HCN1: variants seen among roughly 807,000 people sequenced by gnomAD.
The protein encoded by HCN1 is hyperpolarization activated cyclic nucleotide gated potassium channel 1.
A neutral mutation model predicts 78.9 loss-of-function variants in HCN1; 13 were observed. That is an observed-to-expected ratio of 0.16 (90% CI 0.11 to 0.26). The LOEUF (loss-of-function observed/expected upper bound fraction) is 0.26, where lower values mean the gene tolerates loss of function less well. Ranked by LOEUF, HCN1 falls within the 10% of genes least tolerant of loss-of-function variation. The pLI, the probability that HCN1 is intolerant of heterozygous loss-of-function variation, is 1.00. For missense variants in HCN1, 810 were observed against 1,154.3 expected (o/e 0.70, Z 4.32); for synonymous variants, 552 against 455.5 (o/e 1.21, Z -2.70).
chr5:45,452,860 G>A (rs186339013), intron 3 of HCN1, among the ~76,000 whole-genome samples: 85 of 152,086 alleles, frequency 5.6e-4, no homozygotes, highest in Admixed American at 1.5e-3. Context: ...AAAATGATGG[G>A]TTATACAATG....
At chr5:45,404,546 T>C (rs1282004394) in intron 3 of HCN1, among the ~76,000 whole-genome samples, 1 of 151,466 alleles carries the variant, frequency 6.6e-6, no homozygotes. Flanking sequence ...AATGGGAACA[T>C]AGTAAGTACC....
intron 2 of HCN1, among the ~76,000 whole-genome samples, chr5:45,506,262 G>T (rs1579937809): frequency 6.6e-6 from 1 of 152,206 alleles, no homozygotes; most frequent in East Asian, 1.9e-4. Flanking sequence ...AAGTGCATAT[G>T]TTCTTAAGAC....
intron 3 of HCN1, among the ~76,000 whole-genome samples, chr5:45,427,258 C>A (rs550733941): frequency 4.6e-5 from 7 of 151,846 alleles, no homozygotes; most frequent in African/African-American, 1.7e-4. Context: ...TCACAATTTT[C>A]TACCTTTAAA....
chr5:45,420,721 A>AAC (rs1373849699), intron 3 of HCN1, among the ~76,000 whole-genome samples: 4 of 151,814 alleles, frequency 2.6e-5, no homozygotes, highest in Non-Finnish European at 5.9e-5. Context: ...CACACACACA[A>AAC]ACACACACAC....
At chr5:45,344,899 T>C (rs1746666236) in intron 5 of HCN1, among the ~76,000 whole-genome samples, 2 of 152,150 alleles carry the variant, frequency 1.3e-5, no homozygotes, top group Non-Finnish European at 2.9e-5. Context: ...ACAGCTCCAC[T>C]AGGCAGTGAC....
chr5:45,649,356 C>G (rs976182693), intron 1 of HCN1, among the ~76,000 whole-genome samples: 1 of 151,956 alleles, frequency 6.6e-6, no homozygotes, highest in African/African-American at 2.4e-5. Flanking sequence ...TAGTCCCTCC[C>G]CATTATCAAC....
chr5:45,469,784 A>AGTGTGTGTGT (rs148412684), intron 2 of HCN1, among the ~76,000 whole-genome samples: 3 of 148,754 alleles, frequency 2.0e-5, no homozygotes, highest in African/African-American at 7.4e-5. Flanking sequence ...ATTATAAAGG[A>AGTGTGTGTGT]GTGTGTGTGT....
chr5:45,493,916 C>T (rs952082601), intron 2 of HCN1, among the ~76,000 whole-genome samples: 2 of 152,022 alleles, frequency 1.3e-5, no homozygotes, highest in African/African-American at 4.8e-5. Context: ...CATGTCCCTA[C>T]AAAGGACATG....
chr5:45,319,541 C>A (rs1017811614), intron 5 of HCN1, among the ~76,000 whole-genome samples: 2 of 151,640 alleles, frequency 1.3e-5, no homozygotes, highest in Non-Finnish European at 2.9e-5. Context: ...AAGAGTTTCC[C>A]CCTTTTTCTA....
At position 45,305,285 on chromosome 5, in the gene HCN1, C is replaced by T. The variant is rs148701775; in HGVS notation, c.1378-1446G>A. On this transcript the variant is annotated intron_variant, in intron 5 of 7. Transcript: ENST00000303230. Reference sequence around the variant, plus strand: ...TGCCATCCAGGATAGATAAAGAATTCCAGGTGATAACAGAAGGCACAACAT... The same window carrying T: ...TGCCATCCAGGATAGATAAAGAATTTCAGGTGATAACAGAAGGCACAACAT... Among the ~76,000 whole-genome samples, 1,391 of 152,218 alleles carry T rather than the reference C, an allele frequency of 9.1e-3. 10 individuals are homozygous for T. Among genetic ancestry groups the T allele is most frequent in the Middle Eastern group, 0.034 (10 of 294 alleles).
chr5:45,628,905 G>T (rs937880559), intron 2 of HCN1, among the ~76,000 whole-genome samples: 49 of 151,758 alleles, frequency 3.2e-4, no homozygotes, highest in African/African-American at 1.1e-3. Flanking sequence ...GGAGGAGGAG[G>T]TCACAGTGAG....
chr5:45,416,386 T>C (rs994498776), intron 3 of HCN1, among the ~76,000 whole-genome samples: 1 of 151,966 alleles, frequency 6.6e-6, no homozygotes, highest in African/African-American at 2.4e-5. Flanking sequence ...ACTGTAGTAA[T>C]GCAAATATTA....
chr5:45,405,218 C>T (rs918458694), intron 3 of HCN1, among the ~76,000 whole-genome samples: 18 of 151,922 alleles, frequency 1.2e-4, no homozygotes, highest in Admixed American at 1.3e-4. Context: ...TTTAAAAGTT[C>T]TTAAGGAAAA....
At chr5:45,404,168 T>C (rs1013787432) in intron 3 of HCN1, among the ~76,000 whole-genome samples, 2 of 152,310 alleles carry the variant, frequency 1.3e-5, no homozygotes, top group Non-Finnish European at 2.9e-5. Context: ...CCATTCTGCC[T>C]TTTTTCTTGT....
intron 2 of HCN1, among the ~76,000 whole-genome samples, chr5:45,610,706 C>T (rs1744816098): frequency 6.6e-6 from 1 of 150,884 alleles, no homozygotes; most frequent in African/African-American, 2.4e-5. Context: ...AGCTTAACAG[C>T]TTAGTGGAGA....
At chr5:45,430,660 T>C (rs1271312451) in intron 3 of HCN1, among the ~76,000 whole-genome samples, 1 of 152,088 alleles carries the variant, frequency 6.6e-6, no homozygotes, top group Non-Finnish European at 1.5e-5. Context: ...GGTGTTTATA[T>C]ACCACATTTT....
At chr5:45,584,227 T>C (rs1374622384) in intron 2 of HCN1, among the ~76,000 whole-genome samples, 1 of 152,168 alleles carries the variant, frequency 6.6e-6, no homozygotes, top group African/African-American at 2.4e-5. Flanking sequence ...ATTGGGTGCA[T>C]ATATATTTAG....
intron 2 of HCN1, among the ~76,000 whole-genome samples, chr5:45,570,003 A>T (rs1453888841): frequency 6.6e-6 from 1 of 152,106 alleles, no homozygotes; most frequent in East Asian, 1.9e-4. Context: ...AAAGCTACCA[A>T]ATGACTGAAG....
intron 2 of HCN1, chr5:45,576,150 A>G (rs941937135): frequency 6.6e-6 from 1 of 152,142 alleles, no homozygotes; most frequent in Admixed American, 6.6e-5. Flanking sequence ...AAATAATAAA[A>G]GAACTAGAAT....
Sources: gnomAD v4.1 joint callset for allele counts (sites outside exome capture counted in the v4.1 genomes callset) on GRCh38, gnomAD v4.1.1 for gene constraint, MANE v1.5 for transcripts, NCBI Gene and HGNC (gene_info 2026-07-23, HGNC 2026-07-21) for gene names.